Variants in ARID1B observed in about 807,000 individuals in gnomAD.
ARID1B encodes AT-rich interaction domain 1B.
In ARID1B, 30 loss-of-function variants were observed where a neutral mutation model predicts 212.3. That is an observed-to-expected ratio of 0.14 (90% confidence interval 0.11 to 0.19). The LOEUF (loss-of-function observed/expected upper bound fraction) is 0.19. Among genes scored for constraint, ARID1B ranks in the 10% least tolerant of loss-of-function variants. The pLI is 1.00. For missense variants in ARID1B, 2,891 were observed against 3,204.0 expected, an observed-to-expected ratio of 0.90 and a Z score of 2.36; for synonymous variants, 1,402 against 1,301.7, an observed-to-expected ratio of 1.08 and a Z score of -1.66.
rs138030392 is a variant in ARID1B at position 157,010,512 on chromosome 6, G to A, written c.2248-74150G>A. On this transcript the variant is annotated intron_variant, in intron 4 of 19. Coordinates refer to ENST00000636930, the MANE Select transcript of ARID1B (RefSeq NM_001374828.1). Reference sequence around the variant, plus strand: ...TAATTGTTACATTTTTAGTAGAGACGGAGTTTCACCATGTTGGCCAGGACG... The same window carrying A: ...TAATTGTTACATTTTTAGTAGAGACAGAGTTTCACCATGTTGGCCAGGACG... Among the ~76,000 whole-genome samples, 849 of 151,718 alleles carry A rather than the reference G, an allele frequency of 5.6e-3. 8 individuals carry two copies. The highest frequency in any genetic ancestry group is 0.02 in the African/African-American group (819 of 41,372).
chr6:156,900,924 A>G (rs1196268162), intron 2 of ARID1B, among the ~76,000 whole-genome samples: 1 of 152,230 alleles, frequency 6.6e-6, no homozygotes, highest in Non-Finnish European at 1.5e-5. Context: ...TGACTTTTTC[A>G]TTCTGAACTT....
At chr6:156,912,200 T>C (rs1180985141) in intron 3 of ARID1B, among the ~76,000 whole-genome samples, 1 of 151,752 alleles carries the variant, frequency 6.6e-6, no homozygotes, top group Non-Finnish European at 1.5e-5. Flanking sequence ...TTGATCAAAA[T>C]ATCTAAAATG....
intron 4 of ARID1B, among the ~76,000 whole-genome samples, chr6:157,011,832 T>C (rs2128456217): frequency 6.6e-6 from 1 of 152,334 alleles, no homozygotes; most frequent in South Asian, 2.1e-4. Flanking sequence ...TTTCTCAGAA[T>C]TTATGATAAT....
At chr6:156,783,605 A>C (rs1779431040) in intron 1 of ARID1B, among the ~76,000 whole-genome samples, 1 of 152,202 alleles carries the variant, frequency 6.6e-6, no homozygotes, top group Non-Finnish European at 1.5e-5. Flanking sequence ...TTCCAATATC[A>C]CAGGCAAACC....
chr6:157,136,206 A>G (rs1215623482), intron 7 of ARID1B, among the ~76,000 whole-genome samples: 1 of 152,238 alleles, frequency 6.6e-6, no homozygotes, highest in African/African-American at 2.4e-5. Context: ...GCCTGGATGC[A>G]CAGTGACTAC....
At chr6:156,864,916 T>G (rs1486539191) in intron 2 of ARID1B, among the ~76,000 whole-genome samples, 3 of 152,212 alleles carry the variant, frequency 2.0e-5, no homozygotes, top group African/African-American at 7.2e-5. Flanking sequence ...TACACAGCTC[T>G]TTGTTTTTCG....
chr6:157,146,437 G>C (rs1258997989), intron 7 of ARID1B, among the ~76,000 whole-genome samples: 1 of 152,158 alleles, frequency 6.6e-6, no homozygotes, highest in Non-Finnish European at 1.5e-5. Context: ...CAGCTCCTGA[G>C]GGTTCAGCTC....
At chr6:157,105,504 A>G (rs552944169) in intron 5 of ARID1B, among the ~76,000 whole-genome samples, 1 of 152,354 alleles carries the variant, frequency 6.6e-6, no homozygotes, top group South Asian at 2.1e-4. Flanking sequence ...AATAGGAGAA[A>G]GACTTGAACA....
chr6:156,833,152 T>G (rs1016010873), intron 2 of ARID1B, among the ~76,000 whole-genome samples: 1 of 152,116 alleles, frequency 6.6e-6, no homozygotes, highest in African/African-American at 2.4e-5. Flanking sequence ...ATTTCATCTA[T>G]TAGACAGCTA....
At chr6:157,191,569 G>A (rs915547588) in intron 15 of ARID1B, among the ~76,000 whole-genome samples, 4 of 152,132 alleles carry the variant, frequency 2.6e-5, no homozygotes, top group African/African-American at 7.2e-5. Context: ...GAGACACCAG[G>A]CTGGCCCTTC....
rs1359824914 is a variant in ARID1B, at chr6:157,203,009, A to ATTTTGATT, written c.5264-852_5264-845dup. Among the ~76,000 whole-genome samples, 1 of 152,140 alleles carries ATTTTGATT rather than the reference A, an allele frequency of 6.6e-6. No individual in the cohort carries two copies. Among genetic ancestry groups the ATTTTGATT allele is most frequent in the African/African-American group, 2.4e-5 (1 of 41,426 alleles). On this transcript the variant is annotated intron_variant, in intron 18 of 19. Transcript: ENST00000636930. This position sits in a 1 kb window ranked among gnomAD's most constrained non-coding sequence, Gnocchi z 4.4. ...ATTTACATGTTTATTTTTAAAAGTA[A>ATTTTGATT]TTTTGATTTTTTTATTGTAAAAACA...
intron 4 of ARID1B, among the ~76,000 whole-genome samples, chr6:157,057,796 T>C (rs1783063536): frequency 6.6e-6 from 1 of 152,164 alleles, no homozygotes; most frequent in African/African-American, 2.4e-5. Flanking sequence ...CATAAATATT[T>C]CCTGTGCTTG....
chr6:156,904,829 A>T (rs1789233857), intron 3 of ARID1B, among the ~76,000 whole-genome samples: 1 of 152,234 alleles, frequency 6.6e-6, no homozygotes, highest in Non-Finnish European at 1.5e-5. Flanking sequence ...GTATTTTAAA[A>T]CATTGTATAA....
chr6:156,904,382 G>A (rs1227419703), intron 3 of ARID1B, among the ~76,000 whole-genome samples: 2 of 152,096 alleles, frequency 1.3e-5, no homozygotes, highest in Non-Finnish European at 2.9e-5. Context: ...TATTTAACCA[G>A]TTCTTTTTGA....
At chr6:156,961,513 C>T (rs1256955000) in intron 4 of ARID1B, among the ~76,000 whole-genome samples, 2 of 152,260 alleles carry the variant, frequency 1.3e-5, no homozygotes, top group South Asian at 2.1e-4. Flanking sequence ...CGCTGCGTTG[C>T]GCGGGCAGGA....
At chr6:156,982,552 G>T (rs1777670142) in intron 4 of ARID1B, among the ~76,000 whole-genome samples, 1 of 150,274 alleles carries the variant, frequency 6.7e-6, no homozygotes, top group African/African-American at 2.5e-5. Context: ...TTCTTATTCT[G>T]GTGCTCCTGG....
intron 2 of ARID1B, among the ~76,000 whole-genome samples, chr6:156,846,366 C>T (rs1018211726): frequency 6.0e-5 from 9 of 151,228 alleles, no homozygotes; most frequent in African/African-American, 2.2e-4. Context: ...GGGGTTTCAC[C>T]ATGTTGGCCA....
At chr6:157,002,863 C>A (rs1469380483) in intron 4 of ARID1B, among the ~76,000 whole-genome samples, 2 of 152,182 alleles carry the variant, frequency 1.3e-5, no homozygotes, top group African/African-American at 4.8e-5. Context: ...CAGTGTTAAT[C>A]TTTTCTTAAG....
chr6:157,088,849 A>C (rs116201557), intron 5 of ARID1B, among the ~76,000 whole-genome samples: 125 of 152,308 alleles, frequency 8.2e-4, no homozygotes, highest in African/African-American at 2.8e-3. Flanking sequence ...AGTGAACCAT[A>C]CATGCCATGT....
Sources: gnomAD v4.1 joint callset for allele counts (sites outside exome capture counted in the v4.1 genomes callset) on GRCh38, gnomAD v4.1.1 for gene constraint, Gnocchi (gnomAD v3.1) non-coding constraint, MANE v1.5 for transcripts, NCBI Gene and HGNC (gene_info 2026-07-23, HGNC 2026-07-21) for gene names.